DNMBP: variants seen among roughly 807,000 people sequenced by gnomAD.
The protein encoded by DNMBP is dynamin-binding protein.
A neutral mutation model predicts 150.0 loss-of-function variants in DNMBP; 87 were observed. That is an observed-to-expected ratio of 0.58 (90% CI 0.49 to 0.69). The LOEUF (loss-of-function observed/expected upper bound fraction) is 0.69, where lower values mean the gene tolerates loss of function less well. Among genes scored for constraint, DNMBP ranks in the 30% least tolerant of loss-of-function variants. The probability of loss-of-function intolerance (pLI) is 0.00; values close to 1 mark genes in which losing one functional copy is unlikely to be tolerated. For synonymous variants in DNMBP, 711 were observed against 750.4 expected (o/e 0.95, Z 0.86); for missense variants, 1,774 against 1,949.0 (o/e 0.91, Z 1.69).
At chr10:99,940,467 T>C (rs1358702922) in intron 4 of DNMBP, among the ~76,000 whole-genome samples, 5 of 152,184 alleles carry the variant, frequency 3.3e-5, no homozygotes, top group Admixed American at 1.3e-4. Flanking sequence ...AATCTCTCCG[T>C]TGGCTTGCCA....
chr10:99,898,869 G>C, intron 7 of DNMBP, 109 bp from the exon 8 acceptor site: 1 of 1,090,228 alleles, frequency 9.2e-7, no homozygotes, highest in Non-Finnish European at 1.4e-6. Context: ...AATTATGAAT[G>C]TTTATGGTAA....
chr10:99,879,905 T>G lies in DNMBP; in HGVS notation c.4454A>C (p.Gln1485Pro). 6.2e-7 allele frequency: 1 copy of G among 1,614,266 alleles called. No homozygotes were observed. Among genetic ancestry groups the G allele is most frequent in the Non-Finnish European group, 8.5e-7 (1 of 1,180,052 alleles). ...ACATCCTTTGACGAGGTCTTGACTTTGCCCATTTCGTCCTGGTACGGAGTA... is the reference window on the plus strand; with the variant it reads ...ACATCCTTTGACGAGGTCTTGACTTGGCCCATTTCGTCCTGGTACGGAGTA... ...VGYSVPGRNGQSQDLVKGCAR... is the reference protein window; with the variant it reads ...VGYSVPGRNGPSQDLVKGCAR... The change falls in exon 16 of 17, where the codon CAA (glutamine) becomes CCA (proline). Residue 1485 changes from glutamine (Q) to proline (P), a missense_variant. By Grantham distance (76) the Gln-to-Pro change is moderately conservative (BLOSUM62 -1). Coordinates refer to ENST00000324109, the MANE Select transcript of DNMBP (RefSeq NM_015221.4).
intron 4 of DNMBP, chr10:99,930,186 G>A (rs183440275): frequency 7.1e-6 from 5 of 702,904 alleles, no homozygotes; most frequent in African/African-American, 7.0e-5. Context: ...AAAATTAGTT[G>A]CCCAACAATC....
chr10:99,915,353 T>C (rs1017069519), intron 4 of DNMBP, among the ~76,000 whole-genome samples: 1 of 150,056 alleles, frequency 6.7e-6, no homozygotes, highest in Non-Finnish European at 1.5e-5. Flanking sequence ...TTGAGATCAA[T>C]GGGGACTCAA....
At chr10:100,005,787 A>AAAAAAAAAAAAAC (rs1564761728) in intron 1 of DNMBP, among the ~76,000 whole-genome samples, 9 of 115,928 alleles carry the variant, frequency 7.8e-5, no homozygotes, top group African/African-American at 3.8e-4. Flanking sequence ...AAAAAAAACC[A>AAAAAAAAAAAAAC]AACTACATAA....
intron 1 of DNMBP, among the ~76,000 whole-genome samples, chr10:99,983,045 G>C (rs1242459388): frequency 6.6e-6 from 1 of 152,050 alleles, no homozygotes; most frequent in Non-Finnish European, 1.5e-5. Context: ...AAAAACAGCT[G>C]TCTCTCCTTT....
At chr10:99,998,109 C>G (rs1450036343) in intron 1 of DNMBP, among the ~76,000 whole-genome samples, 1 of 150,996 alleles carries the variant, frequency 6.6e-6, no homozygotes, top group Non-Finnish European at 1.5e-5. Context: ...GTGGCGCACA[C>G]CTGTATTCCC....
intron 4 of DNMBP, among the ~76,000 whole-genome samples, chr10:99,922,507 T>TTTG (rs1163700063): frequency 1.0e-5 from 1 of 98,536 alleles, no homozygotes; most frequent in African/African-American, 4.2e-5. Flanking sequence ...CTGCTGTTTT[T>TTTG]TTTTTTTTTT....
At position 99,956,161 on chromosome 10, in the gene DNMBP, G is replaced by A. The variant is rs756556798; in HGVS notation, c.1313C>T (p.Pro438Leu). 9.3e-6 allele frequency: 15 copies of A among 1,613,950 alleles called. No homozygotes were observed. Among genetic ancestry groups the A allele is most frequent in the South Asian group, 5.5e-5 (5 of 91,068 alleles). The part of the protein sequence containing the change: ...QYYSTVGGSH[P>L]HSEQYPDLLP... ...AAGGTCGGGGTACTGTTCTGAGTGC[G>A]GGTGGCTCCCTCCCACTGTAGAATA... The change falls in exon 4 of 17, where the codon CCG becomes CTG. Residue 438 changes from proline (P) to leucine (L), a missense_variant. Physicochemically the swap from Pro to Leu is moderately conservative, Grantham distance 98 (BLOSUM62 -3). Coordinates refer to ENST00000324109, the MANE Select transcript of DNMBP (RefSeq NM_015221.4).
In DNMBP at chr10:99,877,113, A is replaced by C. The variant is rs776497837; in HGVS notation, c.*38T>G. 2 of 1,570,284 alleles carry C rather than the reference A, an allele frequency of 1.3e-6. No individual in the cohort carries two copies. The highest frequency in any genetic ancestry group is 2.4e-5 in the South Asian group (2 of 84,568). ...CCGCCAGAACCCTCGGCGGACTGAAAGCAAAGGCAGCAAGGCTGGGTGGCA... is the reference window on the plus strand; with the variant it reads ...CCGCCAGAACCCTCGGCGGACTGAACGCAAAGGCAGCAAGGCTGGGTGGCA... On this transcript the variant is annotated 3_prime_UTR_variant, in exon 17 of 17. Coordinates refer to ENST00000324109, the MANE Select transcript of DNMBP (RefSeq NM_015221.4).
chr10:99,916,553 G>A (rs2039967019), intron 4 of DNMBP, among the ~76,000 whole-genome samples: 1 of 152,162 alleles, frequency 6.6e-6, no homozygotes. Flanking sequence ...TATGTGAAAT[G>A]AAGGGAAAGG....
chr10:99,924,241 T>C (rs910721123), intron 4 of DNMBP, among the ~76,000 whole-genome samples: 2 of 129,630 alleles, frequency 1.5e-5, no homozygotes, highest in East Asian at 2.1e-4. Context: ...ATCGAGACCA[T>C]CCTGGCTAAC....
intron 15 of DNMBP, among the ~76,000 whole-genome samples, chr10:99,883,034 T>G (rs1411034148): frequency 6.6e-6 from 1 of 152,162 alleles, no homozygotes; most frequent in African/African-American, 2.4e-5. Context: ...GTGACAGAGC[T>G]AGACCCTGTC....
chr10:99,955,563 C>T lies in DNMBP; in HGVS notation c.1911G>A (p.Leu637=). ...GAGCTGGGCGAGAGGGTCGCACCACCAAGGGTGGTGCAGGTTTTAGGTTCT... is the reference window on the plus strand; with the variant it reads ...GAGCTGGGCGAGAGGGTCGCACCACTAAGGGTGGTGCAGGTTTTAGGTTCT... ...VDQNLKPAPP[L]VVRPSRPAPL... The change falls in exon 4 of 17, where the codon TTG becomes TTA. Residue 637 remains leucine, a synonymous_variant. Coordinates refer to ENST00000324109, the MANE Select transcript of DNMBP (RefSeq NM_015221.4). 6.2e-7 allele frequency: 1 copy of T among 1,608,698 alleles called. No homozygotes were observed. The highest frequency in any genetic ancestry group is 8.5e-7 in the Non-Finnish European group (1 of 1,177,476).
intron 1 of DNMBP, among the ~76,000 whole-genome samples, chr10:99,975,224 G>A (rs1410983394): frequency 6.6e-6 from 1 of 152,152 alleles, no homozygotes; most frequent in Non-Finnish European, 1.5e-5. Flanking sequence ...GCCAGGCGTG[G>A]TGGTGCATGC....
chr10:99,972,105 A>G lies in DNMBP; in HGVS notation c.20T>C (p.Val7Ala). ...AGGGCAGAAGTCAAAAATGGCTCGA[A>G]CCACTGAGCCAGCCTCCATGTTTTA... is the stretch of plus-strand genomic sequence containing the variant. MEAGSVVRAIFDFCPSV... is the reference protein window; with the variant it reads MEAGSVARAIFDFCPSV... The change falls in exon 2 of 17, where the codon GTT (valine) becomes GCT (alanine). Residue 7 changes from valine (V) to alanine (A), a missense_variant. By Grantham distance (64) the Val-to-Ala change is moderately conservative. This residue lies in a region of DNMBP where 344 missense variants were observed against 456.6 expected (regional missense o/e 0.75). Coordinates refer to ENST00000324109, the MANE Select transcript of DNMBP (RefSeq NM_015221.4). 1 of 1,613,522 alleles carries G rather than the reference A, an allele frequency of 6.2e-7. No homozygotes were observed. The highest frequency in any genetic ancestry group is 8.5e-7 in the Non-Finnish European group (1 of 1,179,868).
At position 99,877,121 on chromosome 10, in the gene DNMBP, C is replaced by T; in HGVS notation, c.*30G>A. On this transcript the variant is annotated 3_prime_UTR_variant, in exon 17 of 17. Coordinates refer to ENST00000324109, the MANE Select transcript of DNMBP (RefSeq NM_015221.4). ...ACCCTCGGCGGACTGAAAGCAAAGG[C>T]AGCAAGGCTGGGTGGCAGGCAACGT... 6.3e-7 allele frequency: 1 copy of T among 1,583,052 alleles called. No homozygotes were observed. The highest frequency in any genetic ancestry group is 8.6e-7 in the Non-Finnish European group (1 of 1,164,354).
chr10:99,990,633 AAG>A (rs2040875227), intron 1 of DNMBP, among the ~76,000 whole-genome samples: 2 of 151,720 alleles, frequency 1.3e-5, no homozygotes, highest in Admixed American at 6.6e-5. Flanking sequence ...AAGGACAAGA[AAG>A]ACAGTGTGTG....
chr10:99,946,995 G>A (rs1481816605), intron 4 of DNMBP, among the ~76,000 whole-genome samples: 1 of 152,162 alleles, frequency 6.6e-6, no homozygotes, highest in Non-Finnish European at 1.5e-5. Flanking sequence ...AATCATCAGA[G>A]AAGTGCAAAT....
Sources: gnomAD v4.1 joint callset for allele counts (sites outside exome capture counted in the v4.1 genomes callset) on GRCh38, gnomAD v4.1.1 for gene constraint, gnomAD v4.1.1 regional missense constraint, MANE v1.5 for transcripts, NCBI Gene and HGNC (gene_info 2026-07-23, HGNC 2026-07-21) for gene names.